Variants in SNX8 observed in about 807,000 individuals in gnomAD.
SNX8 encodes the protein sorting nexin-8.
A neutral mutation model predicts 51.6 loss-of-function variants in SNX8; 25 were observed. The ratio of observed to expected loss-of-function variants is 0.48; its 90% CI spans 0.35 to 0.68. SNX8 has a LOEUF of 0.68. Among genes scored for constraint, SNX8 ranks in the 30% least tolerant of loss-of-function variants. SNX8 has a pLI of 0.00. For synonymous variants in SNX8, 324 were observed against 277.0 expected (o/e 1.17, Z -1.68); for missense variants, 695 against 624.0 (o/e 1.11, Z -1.21).
At chr7:2,260,594 C>A (rs932107272) in intron 7 of SNX8, among the ~76,000 whole-genome samples, 2 of 152,130 alleles carry the variant, frequency 1.3e-5, no homozygotes, top group African/African-American at 4.8e-5. Flanking sequence ...ACCTTCAGCT[C>A]CTAATAGGTC....
At chr7:2,293,553 T>C (rs1211381021) in intron 1 of SNX8, among the ~76,000 whole-genome samples, 1 of 150,310 alleles carries the variant, frequency 6.7e-6, no homozygotes, top group Non-Finnish European at 1.5e-5. Context: ...TCCCAGCTAC[T>C]CGGAAGGCTG....
intron 10 of SNX8, among the ~76,000 whole-genome samples, chr7:2,255,418 G>A (rs1795153256): frequency 6.6e-6 from 1 of 152,214 alleles, no homozygotes; most frequent in Admixed American, 6.5e-5. Context: ...AGGACCAAAG[G>A]GCTGCAAATC....
intron 1 of SNX8, among the ~76,000 whole-genome samples, chr7:2,308,264 T>C (rs535168762): frequency 6.6e-6 from 1 of 152,270 alleles, no homozygotes; most frequent in Non-Finnish European, 1.5e-5. Flanking sequence ...GGTTTCTGTT[T>C]TCTGGAGAGA....
In SNX8 at chr7:2,338,585, G is replaced by A. The variant is rs550850726; in HGVS notation, c.-66+15637C>T. Among the ~76,000 whole-genome samples, 307 of 152,028 alleles carry A rather than the reference G, an allele frequency of 2.0e-3. 1 individual carries two copies. The highest frequency in any genetic ancestry group is 7.0e-3 in the African/African-American group (292 of 41,478). ...GGAGGCTGAGGTCGCAGTGACCCGAGATTGCACCTCTGCACTCCAGCCTGG... is the reference window on the plus strand; with the variant it reads ...GGAGGCTGAGGTCGCAGTGACCCGAAATTGCACCTCTGCACTCCAGCCTGG... On this transcript the variant is annotated intron_variant, in intron 1 of 5. Transcript: ENST00000435336.
chr7:2,326,812 A>G (rs1778629715), intron 1 of SNX8, among the ~76,000 whole-genome samples: 1 of 151,194 alleles, frequency 6.6e-6, no homozygotes, highest in Non-Finnish European at 1.5e-5. Context: ...GCCATAGAAA[A>G]GTATCGCCAG....
At chr7:2,277,390 G>A (rs867564857) in intron 2 of SNX8, among the ~76,000 whole-genome samples, 1 of 152,140 alleles carries the variant, frequency 6.6e-6, no homozygotes, top group African/African-American at 2.4e-5. Flanking sequence ...CACTGTTTGG[G>A]GTCCGGAGTC....
rs1796499728 is a variant in SNX8, at chr7:2,304,421, G to A, written c.94+9907C>T. Reference sequence around the variant, plus strand: ...TAGCCAGGCGTGGTGGCGGGCGCCTGTAGTCCCAGCTACTCGGGAGGCTGA... The same window carrying A: ...TAGCCAGGCGTGGTGGCGGGCGCCTATAGTCCCAGCTACTCGGGAGGCTGA... On this transcript the variant is annotated intron_variant, in intron 1 of 10. Transcript: ENST00000222990. Among the ~76,000 whole-genome samples, 7 of 151,784 alleles carry A rather than the reference G, an allele frequency of 4.6e-5. No individual in the cohort carries two copies. In the South Asian group the frequency reaches 1.5e-3, roughly 32 times the overall value.
At chr7:2,300,041 G>A (rs953649751) in intron 1 of SNX8, among the ~76,000 whole-genome samples, 1 of 152,180 alleles carries the variant, frequency 6.6e-6, no homozygotes, top group African/African-American at 2.4e-5. Context: ...AAAATGTAAC[G>A]CCTCAGAAGT....
At chr7:2,291,741 AC>A (rs931385374) in intron 1 of SNX8, among the ~76,000 whole-genome samples, 224 of 152,048 alleles carry the variant, frequency 1.5e-3, no homozygotes, top group African/African-American at 5.1e-3. Context: ...AGTACTTCCC[AC>A]CCCGGTTAAG....
intron 1 of SNX8, among the ~76,000 whole-genome samples, chr7:2,323,945 C>T (rs1778583072): frequency 6.6e-6 from 1 of 151,826 alleles, no homozygotes; most frequent in Non-Finnish European, 1.5e-5. Context: ...CATGGTAAAA[C>T]CCCGTCTCTA....
chr7:2,271,850 C>G lies in SNX8; in HGVS notation c.540G>C (p.Ser180=). Residue 180 remains serine, a splice_region_variant and synonymous_variant, in exon 4 of 11, where the codon TCG becomes TCC. Coordinates refer to ENST00000222990, the MANE Select transcript of SNX8 (RefSeq NM_013321.4). ...ACATGGGCAGGGCAGACACACTCAC[C>G]GAGCCGCTGAAGGACAGGAAGAGCT... ...VLKLFLSFSG[S]DVQNKLKESA... 1 of 1,602,536 alleles carries G rather than the reference C, an allele frequency of 6.2e-7. No homozygotes were observed. Among genetic ancestry groups the G allele is most frequent in the South Asian group, 1.1e-5 (1 of 89,460 alleles).
rs1023749272 is a variant in SNX8, at chr7:2,294,282, AG to A, written c.95-15978del. Among the ~76,000 whole-genome samples, 49 of 151,830 alleles carry A rather than the reference AG, an allele frequency of 3.2e-4. No individual in the cohort carries two copies. The Middle Eastern group carries it at 0.014, about 42-fold the overall frequency. On this transcript the variant is annotated intron_variant, in intron 1 of 10. Transcript: ENST00000222990. ...CCATCTCAAAATAAATAAATAAATA[AG>A]AAAAAAAAGAAAAAAAAAAGATGCT...
intron 1 of SNX8, among the ~76,000 whole-genome samples, chr7:2,352,678 CA>C (rs529439488): frequency 6.3e-4 from 95 of 151,466 alleles, no homozygotes; most frequent in Admixed American, 5.5e-3. Flanking sequence ...TAAAAAAATA[CA>C]AAAAAAATCA....
At chr7:2,321,499 T>A (rs1013141572) in intron 1 of SNX8, among the ~76,000 whole-genome samples, 13 of 149,508 alleles carry the variant, frequency 8.7e-5, no homozygotes, top group Non-Finnish European at 1.5e-4. Flanking sequence ...TGATCTCAGC[T>A]CACTGCAAGC....
intron 1 of SNX8, among the ~76,000 whole-genome samples, chr7:2,346,086 C>G (rs1483280746): frequency 6.6e-6 from 1 of 152,074 alleles, no homozygotes; most frequent in Non-Finnish European, 1.5e-5. Flanking sequence ...GGATTACAGG[C>G]GTGAGCCACC....
chr7:2,292,362 T>C (rs779162369), intron 1 of SNX8, among the ~76,000 whole-genome samples: 3 of 151,658 alleles, frequency 2.0e-5, no homozygotes, highest in African/African-American at 7.3e-5. Context: ...ACAAAACTCT[T>C]AGCAGAAAAT....
intron 1 of SNX8, among the ~76,000 whole-genome samples, chr7:2,285,206 C>T (rs1464457625): frequency 7.9e-5 from 8 of 101,882 alleles, no homozygotes; most frequent in African/African-American, 2.2e-4. Flanking sequence ...AGCAAGACTC[C>T]GTCTCAAAAA....
intron 1 of SNX8, among the ~76,000 whole-genome samples, chr7:2,284,676 T>G (rs1355043323): frequency 6.6e-6 from 1 of 151,768 alleles, no homozygotes; most frequent in Non-Finnish European, 1.5e-5. Flanking sequence ...AGTGCTGGGA[T>G]TACAGGCGTG....
At chr7:2,303,716 C>G (rs541900726) in intron 1 of SNX8, among the ~76,000 whole-genome samples, 1 of 152,010 alleles carries the variant, frequency 6.6e-6, no homozygotes, top group Admixed American at 6.6e-5. Flanking sequence ...GGATTAAGGG[C>G]GGTGCAAGAT....
Sources: gnomAD v4.1 joint callset for allele counts (sites outside exome capture counted in the v4.1 genomes callset) on GRCh38, gnomAD v4.1.1 for gene constraint, MANE v1.5 for transcripts, NCBI Gene and HGNC (gene_info 2026-07-23, HGNC 2026-07-21) for gene names.